CNIH3: variants seen among roughly 807,000 people sequenced by gnomAD.
The protein encoded by CNIH3 is cornichon family AMPA receptor auxiliary protein 3.
A neutral mutation model predicts 24.1 loss-of-function variants in CNIH3; 14 were observed. The ratio of observed to expected loss-of-function variants is 0.58; its 90% confidence interval spans 0.38 to 0.91. The LOEUF (loss-of-function observed/expected upper bound fraction) is 0.91. Ranked by LOEUF, CNIH3 falls within the 40% of genes least tolerant of loss-of-function variation. The pLI is 0.00. For synonymous variants in CNIH3, 68 were observed against 73.8 expected, an observed-to-expected ratio of 0.92 and a Z score of 0.40; for missense variants, 178 against 196.8, an observed-to-expected ratio of 0.90 and a Z score of 0.57.
intron 2 of CNIH3, among the ~76,000 whole-genome samples, chr1:224,521,709 G>A (rs1429264478): frequency 6.6e-6 from 1 of 152,206 alleles, no homozygotes; most frequent in Non-Finnish European, 1.5e-5. Flanking sequence ...TGACACAAAG[G>A]GGTGGTAGAG....
intron 3 of CNIH3, among the ~76,000 whole-genome samples, chr1:224,562,861 A>G (rs1572482613): frequency 6.6e-6 from 1 of 152,212 alleles, no homozygotes; most frequent in East Asian, 1.9e-4. Context: ...AACAGGCCAC[A>G]GACTGATACC....
intron 3 of CNIH3, among the ~76,000 whole-genome samples, chr1:224,698,923 G>A (rs959371800): frequency 1.3e-5 from 2 of 152,188 alleles, no homozygotes; most frequent in African/African-American, 4.8e-5. Context: ...TGTGCTACAT[G>A]CTTTACAAGT....
intron 2 of CNIH3, among the ~76,000 whole-genome samples, chr1:224,525,073 A>G (rs541208659): frequency 6.6e-6 from 1 of 152,310 alleles, no homozygotes; most frequent in East Asian, 1.9e-4. Flanking sequence ...AGAGAGACCA[A>G]GTTTGATGTT....
intron 3 of CNIH3, among the ~76,000 whole-genome samples, chr1:224,728,157 T>C (rs1419295429): frequency 1.3e-5 from 2 of 152,216 alleles, no homozygotes; most frequent in African/African-American, 4.8e-5. Flanking sequence ...GGTGGCTGTC[T>C]CTAAACATGT....
At chr1:224,453,834 T>G (rs1031697592) in intron 1 of CNIH3, among the ~76,000 whole-genome samples, 5 of 152,116 alleles carry the variant, frequency 3.3e-5, no homozygotes, top group Non-Finnish European at 7.4e-5. Context: ...TTCATAGCAT[T>G]GAGGGGAGAA....
upstream of CNIH3, among the ~76,000 whole-genome samples, chr1:224,613,884 GT>G (rs916069469): frequency 6.3e-3 from 904 of 143,778 alleles, 21 homozygotes; most frequent in Admixed American, 0.037. Flanking sequence ...TCAGGTTTTT[GT>G]TTTTTTTTTT....
chr1:224,637,147 G>T (rs1263733577), intron 1 of CNIH3, among the ~76,000 whole-genome samples: 1 of 151,964 alleles, frequency 6.6e-6, no homozygotes, highest in Non-Finnish European at 1.5e-5. Flanking sequence ...TAGAGACGGG[G>T]TTTCACTATG....
At chr1:224,477,283 G>C (rs769122379) in intron 1 of CNIH3, among the ~76,000 whole-genome samples, 1 of 152,248 alleles carries the variant, frequency 6.6e-6, no homozygotes, top group Non-Finnish European at 1.5e-5. Context: ...GTCTCCACAT[G>C]CTGTTCTGTC....
At chr1:224,729,265 A>T (rs1689193447) in intron 3 of CNIH3, among the ~76,000 whole-genome samples, 1 of 151,966 alleles carries the variant, frequency 6.6e-6, no homozygotes, top group South Asian at 2.1e-4. Flanking sequence ...TATGAAAATT[A>T]GCTGGGCGTG....
upstream of CNIH3, among the ~76,000 whole-genome samples, chr1:224,514,668 G>A (rs912957735): frequency 1.3e-5 from 2 of 151,922 alleles, no homozygotes; most frequent in African/African-American, 4.8e-5. Flanking sequence ...CTGTCTCTAC[G>A]AAAAATACAA....
At chr1:224,450,350 A>G (rs936754863) in intron 1 of CNIH3, among the ~76,000 whole-genome samples, 1 of 152,204 alleles carries the variant, frequency 6.6e-6, no homozygotes, top group Non-Finnish European at 1.5e-5. Flanking sequence ...CGTGCTAGGC[A>G]GAGAATTAAA....
chr1:224,462,896 ACT>A (rs1491384341), intron 1 of CNIH3, among the ~76,000 whole-genome samples: 2 of 128,344 alleles, frequency 1.6e-5, no homozygotes, highest in Non-Finnish European at 3.2e-5. Flanking sequence ...AATATGTTTA[ACT>A]TTTTTTTTTT....
chr1:224,593,113 G>A (rs900077686), downstream of CNIH3, among the ~76,000 whole-genome samples: 25 of 151,070 alleles, frequency 1.7e-4, no homozygotes, highest in Non-Finnish European at 2.7e-4. Context: ...CCCACTTCCC[G>A]TCCCCAGACT....
At chr1:224,484,348 C>T (rs569339519) in intron 1 of CNIH3, among the ~76,000 whole-genome samples, 8 of 150,688 alleles carry the variant, frequency 5.3e-5, no homozygotes, top group African/African-American at 1.2e-4. Flanking sequence ...GAGAATGGCA[C>T]GAACCTGGGA....
chr1:224,723,414 A>T (rs753720), intron 3 of CNIH3, among the ~76,000 whole-genome samples: 2 of 152,062 alleles, frequency 1.3e-5, no homozygotes, highest in South Asian at 4.1e-4. Context: ...CCAAGAAGCA[A>T]CAGGAACATC....
At chr1:224,487,594 A>T (rs1677077073) in intron 1 of CNIH3, among the ~76,000 whole-genome samples, 2 of 152,224 alleles carry the variant, frequency 1.3e-5, no homozygotes, top group Admixed American at 6.5e-5. Context: ...TATTTAAAGG[A>T]TGTAAGTTCT....
chr1:224,530,430 A>T (rs1053007569), intron 2 of CNIH3, among the ~76,000 whole-genome samples: 1 of 152,106 alleles, frequency 6.6e-6, no homozygotes, highest in Non-Finnish European at 1.5e-5. Context: ...TAGGCTTTAG[A>T]GCTTAGGAAC....
At chr1:224,532,056 A>C (rs949589702) in intron 2 of CNIH3, among the ~76,000 whole-genome samples, 1 of 152,212 alleles carries the variant, frequency 6.6e-6, no homozygotes, top group Non-Finnish European at 1.5e-5. Context: ...AATAAGTAAC[A>C]GATCTATAGT....
chr1:224,457,271 C>CTG (rs1355352698), intron 1 of CNIH3, among the ~76,000 whole-genome samples: 1,421 of 82,192 alleles, frequency 0.017, 10 homozygotes, highest in South Asian at 0.031. Context: ...CCTCCTCTCT[C>CTG]TCTCTGTGTG....
Sources: allele counts gnomAD v4.1 joint callset (sites outside exome capture counted in the v4.1 genomes callset), GRCh38; gene constraint gnomAD v4.1.1; transcripts MANE v1.5; gene names NCBI Gene and HGNC (gene_info 2026-07-23, HGNC 2026-07-21).